BCO2: variants seen among roughly 807,000 people sequenced by gnomAD.
BCO2 encodes the protein beta-carotene oxygenase 2.
In BCO2, 56 loss-of-function variants were observed where a neutral mutation model predicts 65.8. The observed-to-expected ratio is 0.85, with a 90% confidence interval of 0.69 to 1.06. BCO2 has a LOEUF of 1.06. Ranked by LOEUF, BCO2 falls within the 50% of genes least tolerant of loss-of-function variation. BCO2 has a pLI of 0.00. For missense variants in BCO2, 675 were observed against 698.5 expected (o/e 0.97, Z 0.38); for synonymous variants, 233 against 242.3 (o/e 0.96, Z 0.36).
Position 112,199,777 on chromosome 11 carries a change from G to A in BCO2, c.815G>A (p.Cys272Tyr), listed in dbSNP as rs762939938. 4.3e-6 allele frequency: 7 copies of A among 1,613,980 alleles called. No homozygotes were observed. The South Asian group carries it at 7.7e-5, about 18-fold the overall frequency. The change falls in exon 6 of 12, where the codon TGT becomes TAT. Residue 272 changes from cysteine (C) to tyrosine (Y), a missense_variant. Coordinates refer to ENST00000357685, the MANE Select transcript of BCO2 (RefSeq NM_031938.7). ...GETIHGVQVICSIASTEKGKP... is the reference protein window; with the variant it reads ...GETIHGVQVIYSIASTEKGKP... The stretch of plus-strand genomic sequence containing the variant: ...ACAATCCATGGAGTCCAGGTGATAT[G>A]TTCTATTGCTTCTACAGAGAAAGGG...
chr11:112,213,220 C>T (rs573793883), intron 8 of BCO2, among the ~76,000 whole-genome samples: 12 of 143,586 alleles, frequency 8.4e-5, no homozygotes, highest in African/African-American at 3.1e-4. Flanking sequence ...CTCGGCTCAC[C>T]GCAACTTCCA....
chr11:112,191,993 A>G (rs2135366212), intron 2 of BCO2, among the ~76,000 whole-genome samples: 1 of 152,298 alleles, frequency 6.6e-6, no homozygotes, highest in Non-Finnish European at 1.5e-5. Flanking sequence ...AAGTATATTC[A>G]TCTCGTCATG....
At chr11:112,202,527 C>G (rs1186940343) in intron 8 of BCO2, among the ~76,000 whole-genome samples, 1 of 152,114 alleles carries the variant, frequency 6.6e-6, no homozygotes, top group Non-Finnish European at 1.5e-5. Flanking sequence ...AGTAATCTGA[C>G]TGCTTCAGCC....
At chr11:112,214,177 T>C (rs1354482929) in intron 9 of BCO2, among the ~76,000 whole-genome samples, 1 of 151,956 alleles carries the variant, frequency 6.6e-6, no homozygotes, top group East Asian at 1.9e-4. Context: ...GATGGAGTCT[T>C]GCTCTGGCGC....
At chr11:112,205,456 T>C (rs1867842319) in intron 8 of BCO2, among the ~76,000 whole-genome samples, 1 of 152,208 alleles carries the variant, frequency 6.6e-6, no homozygotes, top group Admixed American at 6.5e-5. Context: ...TTATTTTATT[T>C]TTTATTTTAT....
Position 112,181,605 on chromosome 11 carries a change from T to G in BCO2, c.293+2123T>G, listed in dbSNP as rs1331429803. ...GTGTGTTAGAAGAAGCAAGATTTTT[T>G]GGTATTGACTCATTGAACACCTAAA... On this transcript the variant is annotated intron_variant, in intron 2 of 11. Coordinates refer to ENST00000357685, the MANE Select transcript of BCO2 (RefSeq NM_031938.7). 5 of 762,994 alleles carry G rather than the reference T, an allele frequency of 6.6e-6. No individual in the cohort carries two copies. In the African/African-American group the frequency reaches 8.5e-5, roughly 13 times the overall value. 47.3% of individuals were successfully genotyped at this position (762,994 alleles called of 1,614,324 possible).
intron 8 of BCO2, among the ~76,000 whole-genome samples, chr11:112,203,961 C>A (rs1262694943): frequency 6.6e-6 from 1 of 151,988 alleles, no homozygotes; most frequent in Non-Finnish European, 1.5e-5. Flanking sequence ...TCAAGTGATT[C>A]TCCTACCTCA....
intron 2 of BCO2, chr11:112,181,752 A>G (rs1159371837): frequency 3.5e-6 from 3 of 857,818 alleles, no homozygotes; most frequent in Non-Finnish European, 4.0e-6. Flanking sequence ...TTTGAACTTC[A>G]GTGGTGCCGA....
intron 2 of BCO2, chr11:112,181,217 T>A: frequency 1.4e-6 from 1 of 735,962 alleles, no homozygotes; most frequent in Non-Finnish European, 2.3e-6. Context: ...AGTCTCGCTC[T>A]GTCGCCCAGG....
chr11:112,179,386 G>C lies in BCO2; in HGVS notation c.197G>C (p.Arg66Pro). The C allele has an allele frequency of 6.2e-7, 1 of 1,614,160 alleles. No individual in the cohort carries two copies. Among genetic ancestry groups the C allele is most frequent in the Non-Finnish European group, 8.5e-7 (1 of 1,180,022 alleles). Reference protein sequence around the residue: ...PLLTTVEEAPRGISARVWGHF... With the variant: ...PLLTTVEEAPPGISARVWGHF... The stretch of plus-strand genomic sequence containing the variant: ...CTGACCACAGTGGAAGAGGCTCCAC[G>C]GGGCATCTCTGCTCGAGTCTGGGGA... Residue 66 changes from arginine (R) to proline (P), a missense_variant, in exon 2 of 12, where the codon CGG (arginine) becomes CCG (proline). Transcript: ENST00000357685.
At chr11:112,206,207 C>A (rs986290519) in intron 8 of BCO2, among the ~76,000 whole-genome samples, 1 of 151,000 alleles carries the variant, frequency 6.6e-6, no homozygotes, top group African/African-American at 2.4e-5. Context: ...AATGTGGGGG[C>A]CAGGCAGAGG....
Position 112,216,288 on chromosome 11 carries a change from A to G in BCO2, c.1584A>G (p.Glu528=). ...TTCCAGCACCAGGAACCAATGAAGAAGATGGTGGGGTTATTCTTTCTGTGG... is the reference window on the plus strand; with the variant it reads ...TTCCAGCACCAGGAACCAATGAAGAGGATGGTGGGGTTATTCTTTCTGTGG... The part of the protein sequence containing the change: ...VFVPAPGTNE[E]DGGVILSVVI... Residue 528 remains glutamate, a synonymous_variant, in exon 11 of 12, where the codon GAA becomes GAG. Transcript: ENST00000357685. The G allele has an allele frequency of 1.2e-6, 2 of 1,614,184 alleles. No individual in the cohort carries two copies. The highest frequency in any genetic ancestry group is 1.7e-6 in the Non-Finnish European group (2 of 1,180,018).
intron 2 of BCO2, chr11:112,183,181 G>A (rs1378100763): frequency 9.2e-6 from 9 of 979,358 alleles, no homozygotes; most frequent in East Asian, 2.4e-5. Context: ...ATGTCACAAA[G>A]TGTCAGATGA....
intron 8 of BCO2, among the ~76,000 whole-genome samples, chr11:112,211,614 T>G (rs1245293411): frequency 6.6e-6 from 1 of 152,248 alleles, no homozygotes; most frequent in Admixed American, 6.5e-5. Flanking sequence ...TTCACGTTTT[T>G]ACCAACATTT....
At chr11:112,212,472 T>C (rs1193496935) in intron 8 of BCO2, among the ~76,000 whole-genome samples, 3 of 152,174 alleles carry the variant, frequency 2.0e-5, no homozygotes, top group Non-Finnish European at 2.9e-5. Flanking sequence ...ACCATCTTTA[T>C]TAAAAATTTT....
At chr11:112,207,116 C>A (rs547185761) in intron 8 of BCO2, among the ~76,000 whole-genome samples, 45 of 152,228 alleles carry the variant, frequency 3.0e-4, no homozygotes, top group African/African-American at 9.4e-4. Flanking sequence ...GTCATGTTAC[C>A]TGAAAATAAT....
intron 2 of BCO2, among the ~76,000 whole-genome samples, chr11:112,184,741 T>C (rs1321346816): frequency 6.6e-6 from 1 of 152,180 alleles, no homozygotes; most frequent in Non-Finnish European, 1.5e-5. Flanking sequence ...ATTATCTTTC[T>C]GCAGCAGCAG....
At chr11:112,186,280 G>A (rs1323971255) in intron 2 of BCO2, among the ~76,000 whole-genome samples, 1 of 152,344 alleles carries the variant, frequency 6.6e-6, no homozygotes, top group East Asian at 1.9e-4. Context: ...TGCCCCACAG[G>A]CCTCTTTGAA....
chr11:112,192,642 C>A (rs890484350), intron 2 of BCO2, among the ~76,000 whole-genome samples: 8 of 147,322 alleles, frequency 5.4e-5, no homozygotes, highest in African/African-American at 2.0e-4. Flanking sequence ...ATAACTATTT[C>A]TAAAAGCTTA....
Sources: allele counts gnomAD v4.1 joint callset (sites outside exome capture counted in the v4.1 genomes callset), GRCh38; gene constraint gnomAD v4.1.1; transcripts MANE v1.5; gene names NCBI Gene and HGNC (gene_info 2026-07-23, HGNC 2026-07-21).